The following EIPR1 variants were observed in gnomAD, a reference collection of about 807,000 sequenced individuals.
The protein encoded by EIPR1 is EARP and GARP complex-interacting protein 1.
Under a neutral mutation model 48.1 loss-of-function variants are expected in EIPR1, and 25 were observed. The observed-to-expected ratio is 0.52, with a 90% CI of 0.38 to 0.73. The LOEUF (loss-of-function observed/expected upper bound fraction) is 0.73, where lower values mean the gene tolerates loss of function less well. Ranked by LOEUF, EIPR1 falls within the 30% of genes least tolerant of loss-of-function variation. EIPR1 has a pLI of 0.00. For synonymous variants in EIPR1, 204 were observed against 201.9 expected (o/e 1.01, Z -0.09); for missense variants, 415 against 506.2 (o/e 0.82, Z 1.73).
intron 4 of EIPR1, among the ~76,000 whole-genome samples, chr2:3,222,865 C>T (rs1203508914): frequency 6.6e-6 from 1 of 152,220 alleles, no homozygotes; most frequent in African/African-American, 2.4e-5. Context: ...AGCTTCGTGG[C>T]TTTCTGGAAA....
intron 5 of EIPR1, among the ~76,000 whole-genome samples, chr2:3,211,187 A>G (rs2103129727): frequency 6.6e-6 from 1 of 152,230 alleles, no homozygotes; most frequent in East Asian, 1.9e-4. Flanking sequence ...AAATGAATCC[A>G]CCCATGGGCA....
intron 5 of EIPR1, among the ~76,000 whole-genome samples, chr2:3,202,948 T>C (rs538341425): frequency 1.1e-4 from 16 of 152,358 alleles, no homozygotes; most frequent in East Asian, 9.6e-4. Flanking sequence ...CCGAGTGCCA[T>C]GACAGCAGAT....
At chr2:3,193,156 G>C (rs1215080321) in intron 7 of EIPR1, among the ~76,000 whole-genome samples, 1 of 152,214 alleles carries the variant, frequency 6.6e-6, no homozygotes, top group East Asian at 1.9e-4. Flanking sequence ...TTGACGCTAG[G>C]AGGTGCACCC....
chr2:3,246,825 A>C (rs183993418), intron 4 of EIPR1, among the ~76,000 whole-genome samples: 2 of 9,554 alleles, frequency 2.1e-4, no homozygotes, highest in Non-Finnish European at 3.6e-4. Context: ...GGGAGGGAGG[A>C]AGGGAGGGAA....
At chr2:3,353,965 T>C (rs1670654912) in intron 2 of EIPR1, among the ~76,000 whole-genome samples, 1 of 152,158 alleles carries the variant, frequency 6.6e-6, no homozygotes, top group Non-Finnish European at 1.5e-5. Flanking sequence ...CTCATTTTAA[T>C]CTCCACTTTA....
rs533734321 is a variant in EIPR1, at chr2:3,202,144, A to C, written c.517-5127T>G. Among the ~76,000 whole-genome samples the C allele has an allele frequency of 5.3e-5, 8 of 152,216 alleles. No homozygotes were observed. In the East Asian group the frequency reaches 5.8e-4, roughly 11 times the overall value. On this transcript the variant is annotated intron_variant, in intron 5 of 8. Transcript: ENST00000382125. Reference sequence around the variant, plus strand: ...AGTAGAGACGGGGTTTCACCATGTTAGCCAGGATGGTCTCGATCTTCTGAC... The same window carrying C: ...AGTAGAGACGGGGTTTCACCATGTTCGCCAGGATGGTCTCGATCTTCTGAC...
At chr2:3,298,239 G>A (rs1047664248) in intron 3 of EIPR1, 1 of 152,152 alleles carries the variant, frequency 6.6e-6, no homozygotes. Context: ...TTCACATACC[G>A]GGGTTTTATT....
At chr2:3,214,112 A>G (rs1665546503) in intron 5 of EIPR1, 37 bp downstream of exon 5, 11 of 1,593,170 alleles carry the variant, frequency 6.9e-6, no homozygotes, top group African/African-American at 1.3e-5. Flanking sequence ...TGGTTTAAAA[A>G]TACAGAAACA....
chr2:3,372,448 T>G (rs1659698372), intron 1 of EIPR1, among the ~76,000 whole-genome samples: 2 of 151,334 alleles, frequency 1.3e-5, no homozygotes, highest in Admixed American at 6.6e-5. Context: ...CAGGAGCTGG[T>G]TTTTTGAAAG....
At chr2:3,354,297 A>G (rs1022474006) in intron 2 of EIPR1, among the ~76,000 whole-genome samples, 1 of 152,260 alleles carries the variant, frequency 6.6e-6, no homozygotes, top group African/African-American at 2.4e-5. Context: ...AGCCAAATCT[A>G]TATAACCACA....
intron 6 of EIPR1, among the ~76,000 whole-genome samples, chr2:3,196,485 T>C (rs1291545415): frequency 6.6e-6 from 1 of 152,140 alleles, no homozygotes; most frequent in Admixed American, 6.5e-5. Context: ...AAGGCACAGC[T>C]ATGGTCAAGG....
intron 4 of EIPR1, among the ~76,000 whole-genome samples, chr2:3,217,128 T>A (rs1412736221): frequency 6.6e-6 from 1 of 152,178 alleles, no homozygotes; most frequent in Non-Finnish European, 1.5e-5. Flanking sequence ...ATGCAGGTGA[T>A]TCAGCAAGCT....
Position 3,192,423 on chromosome 2 carries a change from G to A in EIPR1, c.980C>T (p.Ser327Phe), listed in dbSNP as rs751130702. 1 of 1,610,984 alleles carries A rather than the reference G, an allele frequency of 6.2e-7. No homozygotes were observed. Among genetic ancestry groups the A allele is most frequent in the East Asian group, 2.2e-5 (1 of 44,814 alleles). The change falls in exon 8 of 9, where the codon TCT (serine) becomes TTT (phenylalanine). Residue 327 changes from serine to phenylalanine, a missense_variant. By Grantham distance (155) the Ser-to-Phe change is radical. Coordinates refer to ENST00000382125, the MANE Select transcript of EIPR1 (RefSeq NM_003310.5). ...DDISDQEDHR[S>F]EEKSKEPLQD... is the part of the protein sequence containing the mutation. ...CAGTGCGTGCCCTTACTTCTCTTCA[G>A]AACGGTGGTCCTCCTGGTCACTGAT...
At chr2:3,344,210 C>G (rs187429210) in intron 2 of EIPR1, among the ~76,000 whole-genome samples, 3 of 152,358 alleles carry the variant, frequency 2.0e-5, no homozygotes, top group Admixed American at 1.3e-4. Flanking sequence ...GGCCACCAGG[C>G]AGATGACAGG....
chr2:3,189,249 A>G lies in EIPR1; in HGVS notation c.*85T>C. Reference sequence around the variant, plus strand: ...CAGAGAGGGATCCACCTGGAACACGAGTCACCTCCAAAGAGCTGCGACTGT... The same window carrying G: ...CAGAGAGGGATCCACCTGGAACACGGGTCACCTCCAAAGAGCTGCGACTGT... On this transcript the variant is annotated 3_prime_UTR_variant, in exon 9 of 9. Coordinates refer to ENST00000382125, the MANE Select transcript of EIPR1 (RefSeq NM_003310.5). The surrounding 1 kb of genome is among the most constrained non-coding windows in gnomAD (Gnocchi z 4.6). The G allele has an allele frequency of 4.4e-6, 6 of 1,353,858 alleles. No individual in the cohort carries two copies. The highest frequency in any genetic ancestry group is 5.9e-6 in the Non-Finnish European group (6 of 1,022,096). 83.9% of individuals were successfully genotyped at this position (1,353,858 alleles called of 1,614,324 possible). A position where few individuals can be genotyped will look rare whatever the true frequency, so the allele number is the denominator to read the frequency against.
intron 3 of EIPR1, among the ~76,000 whole-genome samples, chr2:3,335,118 C>T (rs906237348): frequency 6.6e-6 from 1 of 152,216 alleles, no homozygotes; most frequent in African/African-American, 2.4e-5. Context: ...CCAGGAGCCA[C>T]ATGAGGCGAG....
rs1558303636 is a variant in EIPR1 at position 3,331,177 on chromosome 2, GTGTA to G, written c.259+6836_259+6839del. 1.5e-4 allele frequency among the ~76,000 whole-genome samples: 18 copies of G among 117,622 alleles called. 2 individuals carry two copies. The East Asian group carries it at 5.0e-3, about 33-fold the overall frequency. 77.2% of individuals were successfully genotyped at this position (117,622 alleles called of 152,430 possible). The stretch of plus-strand genomic sequence containing the variant: ...CATGAGATGGTGTGAGCAGAGGCAG[GTGTA>G]CACTCATATGGTGTGAGCAGAGGCA... On this transcript the variant is annotated intron_variant, in intron 3 of 8. Transcript: ENST00000382125.
chr2:3,263,151 G>A (rs531672293), intron 3 of EIPR1, among the ~76,000 whole-genome samples: 2 of 152,298 alleles, frequency 1.3e-5, no homozygotes, highest in Non-Finnish European at 2.9e-5. Flanking sequence ...CTCAGGAGAC[G>A]GCTGGGAGAG....
At position 3,219,732 on chromosome 2, in the gene EIPR1, G is replaced by A. The variant is rs569590105; in HGVS notation, c.417-5484C>T. Among the ~76,000 whole-genome samples the A allele has an allele frequency of 3.9e-5, 6 of 152,176 alleles. No individual in the cohort carries two copies. The South Asian group carries it at 6.2e-4, about 16-fold the overall frequency. On this transcript the variant is annotated intron_variant, in intron 4 of 8. Transcript: ENST00000382125. ...CTCTAGAGCATTCACAGTGACTCAG[G>A]TGCACACCCAACACGGCCCTGGTAT...
Sources: gnomAD v4.1 joint callset for allele counts (sites outside exome capture counted in the v4.1 genomes callset) on GRCh38, gnomAD v4.1.1 for gene constraint, Gnocchi (gnomAD v3.1) non-coding constraint, MANE v1.5 for transcripts, NCBI Gene and HGNC (gene_info 2026-07-23, HGNC 2026-07-21) for gene names.